Variants in TSHZ2 observed in about 807,000 individuals in gnomAD.
TSHZ2 encodes teashirt zinc finger homeobox 2.
A neutral mutation model predicts 74.4 loss-of-function variants in TSHZ2; 21 were observed. The ratio of observed to expected loss-of-function variants is 0.28; its 90% CI spans 0.20 to 0.41. TSHZ2 has a LOEUF of 0.41. Among genes scored for constraint, TSHZ2 ranks in the 10% least tolerant of loss-of-function variants. The pLI, the probability that TSHZ2 is intolerant of heterozygous loss-of-function variation, is 1.00. For missense variants in TSHZ2, 1,244 were observed against 1,293.5 expected, an observed-to-expected ratio of 0.96 and a Z score of 0.59; for synonymous variants, 540 against 515.3, an observed-to-expected ratio of 1.05 and a Z score of -0.65.
At chr20:53,088,953 C>T (rs1985784445) in intron 1 of TSHZ2, among the ~76,000 whole-genome samples, 2 of 152,190 alleles carry the variant, frequency 1.3e-5, no homozygotes, top group South Asian at 2.1e-4. Context: ...GTTCTGCATT[C>T]TTCGGCTGGC....
chr20:53,461,949 G>T (rs1444175832), intron 2 of TSHZ2, among the ~76,000 whole-genome samples: 1 of 151,476 alleles, frequency 6.6e-6, no homozygotes, highest in Non-Finnish European at 1.5e-5. Context: ...AGAGAGCTAT[G>T]GCCCAGGAGC....
At chr20:53,031,376 A>G (rs1983630771) in intron 1 of TSHZ2, among the ~76,000 whole-genome samples, 1 of 152,194 alleles carries the variant, frequency 6.6e-6, no homozygotes. Flanking sequence ...TGTCAATAAC[A>G]AAAAAGGGAA....
chr20:53,256,650 C>G lies in TSHZ2; in HGVS notation c.*8+79C>G, dbSNP rs1990490820. 4 of 1,482,180 alleles carry G rather than the reference C, an allele frequency of 2.7e-6. No homozygotes were observed. The highest frequency in any genetic ancestry group is 1.5e-5 in the South Asian group (1 of 64,530). The allele number at this position is 1,482,180 out of a possible 1,614,324, so 91.8% of individuals were successfully genotyped here. A position where few individuals can be genotyped will look rare whatever the true frequency, so the allele number is the denominator to read the frequency against. The stretch of plus-strand genomic sequence containing the variant: ...GGGAGATGGGTCTGCTTAGAGGCAG[C>G]TAGCATCTCCCAATGCCAAGCAGGA... On this transcript the variant is annotated intron_variant, in intron 2 of 2. Coordinates refer to ENST00000371497, the MANE Select transcript of TSHZ2 (RefSeq NM_173485.6). The surrounding 1 kb of genome is among the most constrained non-coding windows in gnomAD (Gnocchi z 4.3).
At chr20:53,297,396 T>G (rs1991399534) in intron 2 of TSHZ2, among the ~76,000 whole-genome samples, 1 of 151,966 alleles carries the variant, frequency 6.6e-6, no homozygotes, top group African/African-American at 2.4e-5. Flanking sequence ...ACCACAGGTG[T>G]GCACCACCAC....
chr20:53,262,296 G>T (rs1212829741), intron 2 of TSHZ2, among the ~76,000 whole-genome samples: 1 of 151,538 alleles, frequency 6.6e-6, no homozygotes, highest in South Asian at 2.1e-4. Flanking sequence ...GTGACATTCT[G>T]TGGTAAATGG....
rs116680173 is a variant in TSHZ2 at position 53,099,177 on chromosome 20, A to C, written c.40+125844A>C. On this transcript the variant is annotated intron_variant, in intron 1 of 2. Transcript: ENST00000371497. ...AGCAAGGAAGAAAGAAGACCCAAAC[A>C]GGTGCAGGTCCTTTGAGCGAGGGTC... Among the ~76,000 whole-genome samples the C allele has an allele frequency of 5.0e-3, 759 of 152,346 alleles. 6 individuals are homozygous for C. Among genetic ancestry groups the C allele is most frequent in the African/African-American group, 0.017 (720 of 41,572 alleles).
At chr20:53,338,091 G>C (rs1337317422) in intron 2 of TSHZ2, among the ~76,000 whole-genome samples, 2 of 152,242 alleles carry the variant, frequency 1.3e-5, no homozygotes, top group African/African-American at 2.4e-5. Context: ...TGTCCATGAA[G>C]TCAAACGTGG....
At chr20:53,055,609 G>T (rs992769446) in intron 1 of TSHZ2, among the ~76,000 whole-genome samples, 1 of 152,026 alleles carries the variant, frequency 6.6e-6, no homozygotes, top group African/African-American at 2.4e-5. Flanking sequence ...TGGAACATTT[G>T]CATCAGTTTT....
At position 53,253,693 on chromosome 20, in the gene TSHZ2, G is replaced by C. The variant is rs986703245; in HGVS notation, c.235G>C (p.Ala79Pro). 1 of 1,614,076 alleles carries C rather than the reference G, an allele frequency of 6.2e-7. No homozygotes were observed. The highest frequency in any genetic ancestry group is 1.3e-5 in the African/African-American group (1 of 74,920). ...SPGSHLSNQD[A>P]ENESLLSDAS... ...AGGAAGTCATTTGTCCAATCAGGAT[G>C]CCGAGAACGAGTCTCTGCTGAGTGA... is the stretch of plus-strand genomic sequence containing the variant. The change falls in exon 2 of 3, where the codon GCC (alanine) becomes CCC (proline). Residue 79 changes from alanine (A) to proline (P), a missense_variant. Ala to Pro is a conservative substitution (Grantham distance 27, BLOSUM62 -1). Transcript: ENST00000371497.
chr20:53,353,401 T>C (rs1403515329), intron 2 of TSHZ2, among the ~76,000 whole-genome samples: 1 of 152,232 alleles, frequency 6.6e-6, no homozygotes, highest in Non-Finnish European at 1.5e-5. Context: ...GTCATAGAAT[T>C]ATTTAATTTT....
chr20:53,311,295 T>TA (rs1978773473), intron 2 of TSHZ2, among the ~76,000 whole-genome samples: 1 of 152,254 alleles, frequency 6.6e-6, no homozygotes, highest in Admixed American at 6.5e-5. Context: ...AGCTGAAGTT[T>TA]AAAAATTATT....
chr20:53,144,037 C>T (rs1394692012), intron 1 of TSHZ2, among the ~76,000 whole-genome samples: 1 of 152,054 alleles, frequency 6.6e-6, no homozygotes, highest in Non-Finnish European at 1.5e-5. Context: ...TGCACTAAGT[C>T]AGTTTCTGGG....
At chr20:53,073,902 C>G (rs1176772289) in intron 1 of TSHZ2, among the ~76,000 whole-genome samples, 1 of 152,160 alleles carries the variant, frequency 6.6e-6, no homozygotes, top group Non-Finnish European at 1.5e-5. Flanking sequence ...AAAGTAGACA[C>G]TATTAATTAT....
At position 53,073,787 on chromosome 20, in the gene TSHZ2, T is replaced by G. The variant is rs1985280461; in HGVS notation, c.40+100454T>G. ...AAAAAAAACTGGTCTATTTTCAGTTTTAGGCCTGGGTTGATTGATGTACAT... is the reference window on the plus strand; with the variant it reads ...AAAAAAAACTGGTCTATTTTCAGTTGTAGGCCTGGGTTGATTGATGTACAT... On this transcript the variant is annotated intron_variant, in intron 1 of 2. Coordinates refer to ENST00000371497, the MANE Select transcript of TSHZ2 (RefSeq NM_173485.6). 3.3e-5 allele frequency among the ~76,000 whole-genome samples: 5 copies of G among 152,316 alleles called. No individual in the cohort carries two copies. The Middle Eastern group carries it at 0.014, about 414-fold the overall frequency.
intron 1 of TSHZ2, among the ~76,000 whole-genome samples, chr20:53,114,116 GAAA>G (rs1323480297): frequency 6.9e-6 from 1 of 145,256 alleles, no homozygotes; most frequent in African/African-American, 2.5e-5. Context: ...AAAAAAGAAA[GAAA>G]AAAAAAATGG....
intron 1 of TSHZ2, among the ~76,000 whole-genome samples, chr20:53,206,350 G>A (rs1989167596): frequency 1.3e-5 from 2 of 152,234 alleles, no homozygotes; most frequent in Admixed American, 1.3e-4. Context: ...AGGCCCCCGA[G>A]TACAGTAGCC....
At chr20:53,154,358 G>T (rs1366030116) in intron 1 of TSHZ2, among the ~76,000 whole-genome samples, 1 of 152,134 alleles carries the variant, frequency 6.6e-6, no homozygotes, top group Non-Finnish European at 1.5e-5. Context: ...TTAGAAATAA[G>T]TGTCTTTTCC....
At chr20:53,084,078 A>G (rs908794682) in intron 1 of TSHZ2, among the ~76,000 whole-genome samples, 6 of 152,188 alleles carry the variant, frequency 3.9e-5, no homozygotes, top group Non-Finnish European at 8.8e-5. Context: ...CCACTAATCA[A>G]ATTTGTCATA....
intron 2 of TSHZ2, among the ~76,000 whole-genome samples, chr20:53,297,157 G>A (rs1486641780): frequency 6.6e-6 from 1 of 151,928 alleles, no homozygotes. Context: ...TTAAGAAATA[G>A]CAATGGGAAC....
Sources: allele counts gnomAD v4.1 joint callset (sites outside exome capture counted in the v4.1 genomes callset), GRCh38; gene constraint gnomAD v4.1.1; non-coding constraint Gnocchi (gnomAD v3.1); transcripts MANE v1.5; gene names NCBI Gene and HGNC (gene_info 2026-07-23, HGNC 2026-07-21).